Variants in RAB5A observed in about 807,000 individuals in gnomAD.
The protein encoded by RAB5A is ras-related protein Rab-5A.
A neutral mutation model predicts 25.7 loss-of-function variants in RAB5A; 8 were observed. The ratio of observed to expected loss-of-function variants is 0.31; its 90% CI spans 0.18 to 0.56. The LOEUF (loss-of-function observed/expected upper bound fraction) is 0.56. RAB5A is among the 20% of genes least tolerant of loss of function. The probability of loss-of-function intolerance (pLI) is 0.91; values close to 1 mark genes in which losing one functional copy is unlikely to be tolerated. For synonymous variants in RAB5A, 98 were observed against 89.8 expected, an observed-to-expected ratio of 1.09 and a Z score of -0.52; for missense variants, 192 against 259.7, an observed-to-expected ratio of 0.74 and a Z score of 1.79.
intron 4 of RAB5A, among the ~76,000 whole-genome samples, chr3:19,977,873 A>G (rs970780274): frequency 2.0e-5 from 3 of 152,256 alleles, no homozygotes; most frequent in Non-Finnish European, 4.4e-5. Flanking sequence ...TGTAGAAGTC[A>G]TTGAAAATTA....
chr3:19,964,775 C>T (rs1347890480), intron 2 of RAB5A, among the ~76,000 whole-genome samples: 1 of 152,070 alleles, frequency 6.6e-6, no homozygotes, highest in Non-Finnish European at 1.5e-5. Context: ...CCACGTCTGG[C>T]TTATTTTTGT....
chr3:19,960,732 T>C (rs545709013), intron 2 of RAB5A, among the ~76,000 whole-genome samples: 4 of 152,330 alleles, frequency 2.6e-5, no homozygotes, highest in South Asian at 4.1e-4. Context: ...ATAAGAATGC[T>C]CTACAAATCA....
intron 4 of RAB5A, among the ~76,000 whole-genome samples, chr3:19,976,612 G>A (rs1696828347): frequency 6.6e-6 from 1 of 152,200 alleles, no homozygotes; most frequent in Non-Finnish European, 1.5e-5. Flanking sequence ...TTGAACCCAG[G>A]AGGCGGAGGT....
intron 1 of RAB5A, among the ~76,000 whole-genome samples, chr3:19,950,390 C>T (rs1355841808): frequency 6.6e-6 from 1 of 152,176 alleles, no homozygotes; most frequent in African/African-American, 2.4e-5. Context: ...AGTAGCCTGG[C>T]TACAGAACTT....
chr3:19,980,156 A>G (rs1696895666), intron 5 of RAB5A: 1 of 152,226 alleles, frequency 6.6e-6, no homozygotes, highest in Non-Finnish European at 1.5e-5. Context: ...AATGTGACAG[A>G]TGACACCCAG....
At chr3:19,960,028 G>A (rs1191139413) in intron 2 of RAB5A, among the ~76,000 whole-genome samples, 1 of 152,136 alleles carries the variant, frequency 6.6e-6, no homozygotes, top group African/African-American at 2.4e-5. Flanking sequence ...TGGAGGCTGT[G>A]GGATGGGAAG....
chr3:19,975,980 G>A, intron 3 of RAB5A, 67 bp from the exon 4 acceptor site: 1 of 1,551,326 alleles, frequency 6.4e-7, no homozygotes, highest in Non-Finnish European at 8.7e-7. Context: ...TTAAAGCCTT[G>A]TATCACAAAG....
At chr3:19,948,378 A>G in intron 1 of RAB5A, among the ~76,000 whole-genome samples, 1 of 152,264 alleles carries the variant, frequency 6.6e-6, no homozygotes, top group East Asian at 1.9e-4. Context: ...TTATTCCTAA[A>G]GTAAAATGGA....
At chr3:19,954,780 C>T (rs192098061) in intron 2 of RAB5A, among the ~76,000 whole-genome samples, 103 of 152,202 alleles carry the variant, frequency 6.8e-4, no homozygotes, top group Non-Finnish European at 1.2e-3. Context: ...ACTGCACCAC[C>T]ACACTCCAGC....
At chr3:19,969,031 G>GTTT (rs1162365486) in intron 2 of RAB5A, among the ~76,000 whole-genome samples, 1 of 99,702 alleles carries the variant, frequency 1.0e-5, no homozygotes, top group Non-Finnish European at 1.9e-5. Flanking sequence ...TTTGGTTTTG[G>GTTT]TTTTTTTTTT....
Position 19,947,183 on chromosome 3 carries a change from TGGTTCGTGAAGGAGCCGGC to T in RAB5A, c.-429_-411del, listed in dbSNP as rs759902131. 1.2e-4 allele frequency: 20 copies of T among 160,282 alleles called. No individual in the cohort carries two copies. The highest frequency in any genetic ancestry group is 2.7e-4 in the Non-Finnish European group (20 of 73,610). 9.9% of individuals were successfully genotyped at this position (160,282 alleles called of 1,614,324 possible). The stretch of plus-strand genomic sequence containing the variant: ...CGGTGGGACTTGAGTGTTTGTGTTT[TGGTTCGTGAAGGAGCCGGC>T]GGCTGGCCTTAGGGGAGGAGGCAGA... On this transcript the variant is annotated 5_prime_UTR_variant, in exon 1 of 6. Transcript: ENST00000273047.
At chr3:19,969,560 G>C (rs927633432) in intron 2 of RAB5A, among the ~76,000 whole-genome samples, 2 of 152,066 alleles carry the variant, frequency 1.3e-5, no homozygotes, top group Admixed American at 6.6e-5. Context: ...TTTCTCATTA[G>C]GTTTGCCCCT....
At chr3:19,961,601 A>G (rs770139060) in intron 2 of RAB5A, among the ~76,000 whole-genome samples, 23 of 152,198 alleles carry the variant, frequency 1.5e-4, no homozygotes, top group Admixed American at 2.6e-4. Context: ...TTTTTATGCC[A>G]TCATCATGTG....
intron 2 of RAB5A, among the ~76,000 whole-genome samples, chr3:19,963,358 A>T: frequency 1.2e-5 from 1 of 84,674 alleles, no homozygotes. Flanking sequence ...GATATCTTAG[A>T]ATTTCACCCC....
intron 2 of RAB5A, among the ~76,000 whole-genome samples, chr3:19,954,052 T>A (rs1444202355): frequency 6.6e-6 from 1 of 152,196 alleles, no homozygotes; most frequent in African/African-American, 2.4e-5. Flanking sequence ...TTTCACTACG[T>A]GGCCCAGGTT....
At position 19,960,192 on chromosome 3, in the gene RAB5A, A is replaced by T. The variant is rs528532343; in HGVS notation, c.163+9131A>T. On this transcript the variant is annotated intron_variant, in intron 2 of 5. Coordinates refer to ENST00000273047, the MANE Select transcript of RAB5A (RefSeq NM_004162.5). ...TCTTGTTTATGAAGTATGCTGAGTA[A>T]ATTTATGATAGGATAGTATCATTTG... 2.6e-5 allele frequency among the ~76,000 whole-genome samples: 4 copies of T among 152,328 alleles called. No individual in the cohort carries two copies. The South Asian group carries it at 8.3e-4, about 32-fold the overall frequency.
At chr3:19,950,143 A>G (rs1277570873) in intron 1 of RAB5A, among the ~76,000 whole-genome samples, 1 of 152,240 alleles carries the variant, frequency 6.6e-6, no homozygotes, top group East Asian at 1.9e-4. Flanking sequence ...CACATGGAGA[A>G]CAACTGTTAG....
intron 2 of RAB5A, among the ~76,000 whole-genome samples, chr3:19,963,743 C>G (rs1696624385): frequency 1.3e-5 from 2 of 152,140 alleles, no homozygotes; most frequent in African/African-American, 4.8e-5. Flanking sequence ...CCCCTGGGCT[C>G]AAATGATCCT....
intron 5 of RAB5A, among the ~76,000 whole-genome samples, chr3:19,979,666 A>G (rs1442041793): frequency 2.6e-5 from 4 of 152,130 alleles, no homozygotes; most frequent in African/African-American, 4.8e-5. Context: ...CCTTTTTTCT[A>G]TAACAAAAAT....
Sources: allele counts gnomAD v4.1 joint callset (sites outside exome capture counted in the v4.1 genomes callset), GRCh38; gene constraint gnomAD v4.1.1; transcripts MANE v1.5; gene names NCBI Gene and HGNC (gene_info 2026-07-23, HGNC 2026-07-21).